ADGRG6: variants seen among roughly 807,000 people sequenced by gnomAD.
ADGRG6 encodes the protein adhesion G protein-coupled receptor G6.
In ADGRG6, 84 loss-of-function variants were observed where a neutral mutation model predicts 142.4. That is an observed-to-expected ratio of 0.59 (90% confidence interval 0.49 to 0.71). ADGRG6 has a LOEUF of 0.71. Ranked by LOEUF, ADGRG6 falls within the 30% of genes least tolerant of loss-of-function variation. ADGRG6 has a pLI of 0.00. For synonymous variants in ADGRG6, 521 were observed against 520.5 expected (o/e 1.00, Z -0.01); for missense variants, 1,367 against 1,466.6 (o/e 0.93, Z 1.11).
chr6:142,422,007 G>C (rs935577731), intron 22 of ADGRG6, among the ~76,000 whole-genome samples: 9 of 152,236 alleles, frequency 5.9e-5, no homozygotes, highest in Admixed American at 5.2e-4. Flanking sequence ...TTATTGTTGA[G>C]TCATTTTCAG....
chr6:142,354,653 G>A (rs1780356456), intron 2 of ADGRG6, among the ~76,000 whole-genome samples: 1 of 152,126 alleles, frequency 6.6e-6, no homozygotes, highest in African/African-American at 2.4e-5. Context: ...AAAGAAATCT[G>A]TAAAACATTG....
chr6:142,386,855 C>A (rs1202264439), intron 6 of ADGRG6, among the ~76,000 whole-genome samples: 1 of 152,092 alleles, frequency 6.6e-6, no homozygotes, highest in Non-Finnish European at 1.5e-5. Context: ...CACACACACC[C>A]ACACCCACTC....
intron 2 of ADGRG6, among the ~76,000 whole-genome samples, chr6:142,339,336 C>G (rs1779505509): frequency 6.6e-6 from 1 of 152,154 alleles, no homozygotes; most frequent in Non-Finnish European, 1.5e-5. Context: ...AGCTGGAGAC[C>G]AGCAAATAGT....
At chr6:142,391,434 TACACACACACACACACACACAC>T (rs35253608) in intron 7 of ADGRG6, among the ~76,000 whole-genome samples, 4 of 132,376 alleles carry the variant, frequency 3.0e-5, no homozygotes, top group African/African-American at 1.1e-4. Context: ...AAGTGGTAGC[TACACACACACACACACACACAC>T]ACACACACAC....
intron 20 of ADGRG6, among the ~76,000 whole-genome samples, chr6:142,416,908 C>T (rs1776392617): frequency 6.6e-6 from 1 of 152,172 alleles, no homozygotes. Context: ...ATGACCTTGT[C>T]TGCCTAAACT....
At chr6:142,329,763 C>T (rs1468757341) in intron 2 of ADGRG6, among the ~76,000 whole-genome samples, 2 of 152,274 alleles carry the variant, frequency 1.3e-5, no homozygotes, top group East Asian at 1.9e-4. Flanking sequence ...ACAAATACTT[C>T]AGTAGCTAAT....
At chr6:142,341,865 A>T (rs1476409578) in intron 2 of ADGRG6, among the ~76,000 whole-genome samples, 1 of 151,416 alleles carries the variant, frequency 6.6e-6, no homozygotes, top group Non-Finnish European at 1.5e-5. Context: ...GTATTTTACC[A>T]ATGAATACCA....
At chr6:142,328,604 C>T (rs1014830067) in intron 2 of ADGRG6, among the ~76,000 whole-genome samples, 5 of 152,108 alleles carry the variant, frequency 3.3e-5, no homozygotes, top group Non-Finnish European at 7.4e-5. Flanking sequence ...AACAAAATTT[C>T]TTCTATTATG....
At position 142,398,139 on chromosome 6, in the gene ADGRG6, A is replaced by G. The variant is rs1385187448; in HGVS notation, c.1567+384A>G. 6.6e-5 allele frequency among the ~76,000 whole-genome samples: 10 copies of G among 152,190 alleles called. 1 individual carries two copies. The highest frequency in any genetic ancestry group is 6.5e-4 in the Admixed American group (10 of 15,280). On this transcript the variant is annotated intron_variant, in intron 10 of 24. Coordinates refer to ENST00000367609, the MANE Select transcript of ADGRG6 (RefSeq NM_198569.3). ...AGAAGGAGATTTCCTGTTTTAAAAC[A>G]TCTCCTGCTGGGCATGGTGGCTCAT...
chr6:142,330,343 T>TA (rs1361091363), intron 2 of ADGRG6, among the ~76,000 whole-genome samples: 14 of 150,852 alleles, frequency 9.3e-5, no homozygotes, highest in Middle Eastern at 6.8e-3. Flanking sequence ...ACTTACAAGT[T>TA]AAAAAAAAAT....
chr6:142,346,436 A>G (rs750409868), intron 2 of ADGRG6, among the ~76,000 whole-genome samples: 2 of 152,194 alleles, frequency 1.3e-5, no homozygotes, highest in Non-Finnish European at 2.9e-5. Context: ...TTTTGGCAAC[A>G]TAAGTGTCTT....
At chr6:142,435,763 G>A (rs566289336) in intron 22 of ADGRG6, among the ~76,000 whole-genome samples, 1 of 152,282 alleles carries the variant, frequency 6.6e-6, no homozygotes, top group South Asian at 2.1e-4. Context: ...ATACAAGAAT[G>A]TTAGATACTG....
Position 142,419,992 on chromosome 6 carries a change from T to C in ADGRG6, c.3207T>C (p.Ser1069=). 1.2e-6 allele frequency: 2 copies of C among 1,613,466 alleles called. No individual in the cohort carries two copies. Among genetic ancestry groups the C allele is most frequent in the Non-Finnish European group, 1.7e-6 (2 of 1,179,522 alleles). ...LREEVLRNLR[S]VVSLTFLLGM... is the part of the protein sequence containing the mutation. ...AAGAAGTGTTAAGGAACCTGCGCAG[T>C]GTGGTTAGCTTGACCTTTCTGTTGG... is the stretch of plus-strand genomic sequence containing the variant. Residue 1069 remains serine, a synonymous_variant, in exon 22 of 25, where the codon AGT becomes AGC. Coordinates refer to ENST00000367609, the MANE Select transcript of ADGRG6 (RefSeq NM_198569.3).
Position 142,400,583 on chromosome 6 carries a change from G to A in ADGRG6, c.1666G>A (p.Ala556Thr), listed in dbSNP as rs747603208. Residue 556 changes from alanine (A) to threonine (T), a missense_variant, in exon 11 of 25, where the codon GCT (alanine) becomes ACT (threonine). By Grantham distance (58) the Ala-to-Thr change is moderately conservative. This residue lies in a region of ADGRG6 where 737 missense variants were observed against 746.5 expected (regional missense o/e 0.99). Transcript: ENST00000367609. ...LPCPDKPGFSASRICFYNATN... is the reference protein window; with the variant it reads ...LPCPDKPGFSTSRICFYNATN... ...TTGTCCAGACAAGCCTGGCTTTTCT[G>A]CTTCTCGGATATGGTAATATTTTCA... 24 of 1,564,626 alleles carry A rather than the reference G, an allele frequency of 1.5e-5. No homozygotes were observed. In the South Asian group the frequency reaches 2.7e-4, roughly 17 times the overall value.
intron 4 of ADGRG6, among the ~76,000 whole-genome samples, chr6:142,373,810 G>A (rs1317779714): frequency 6.6e-6 from 1 of 151,494 alleles, no homozygotes; most frequent in Non-Finnish European, 1.5e-5. Flanking sequence ...TCCCAAAGTG[G>A]TGGGATTACA....
intron 22 of ADGRG6, among the ~76,000 whole-genome samples, chr6:142,435,773 G>C (rs755582267): frequency 3.3e-5 from 5 of 152,164 alleles, no homozygotes; most frequent in Non-Finnish European, 7.3e-5. Context: ...GTTAGATACT[G>C]AGGAGTGCTG....
At chr6:142,411,181 C>T in intron 17 of ADGRG6, 124 bp from the exon 18 acceptor site, 4 of 599,924 alleles carry the variant, frequency 6.7e-6, no homozygotes, top group South Asian at 4.3e-5. Flanking sequence ...TAATGGTATC[C>T]ATTTTACAGA....
intron 2 of ADGRG6, among the ~76,000 whole-genome samples, chr6:142,321,432 T>G (rs1225333950): frequency 6.6e-6 from 1 of 151,658 alleles, no homozygotes; most frequent in Admixed American, 6.6e-5. Flanking sequence ...AGCCACAAAG[T>G]GGAAAAGAAA....
At chr6:142,334,606 T>A (rs1779222515) in intron 2 of ADGRG6, among the ~76,000 whole-genome samples, 1 of 152,138 alleles carries the variant, frequency 6.6e-6, no homozygotes. Flanking sequence ...AGTAATGAGC[T>A]TCCTGTCACT....
Sources: allele counts gnomAD v4.1 joint callset (sites outside exome capture counted in the v4.1 genomes callset), GRCh38; gene constraint gnomAD v4.1.1; regional missense constraint gnomAD v4.1.1; transcripts MANE v1.5; gene names NCBI Gene and HGNC (gene_info 2026-07-23, HGNC 2026-07-21).